TUB: variants seen among roughly 807,000 people sequenced by gnomAD.
The protein encoded by TUB is TUB bipartite transcription factor, also known as tubby protein homolog.
Under a neutral mutation model 59.7 loss-of-function variants are expected in TUB, and 33 were observed. The ratio of observed to expected loss-of-function variants is 0.55; its 90% CI spans 0.42 to 0.74. The LOEUF (loss-of-function observed/expected upper bound fraction) is 0.74. Ranked by LOEUF, TUB falls within the 30% of genes least tolerant of loss-of-function variation. TUB has a pLI of 0.00. For synonymous variants in TUB, 293 were observed against 256.4 expected, an observed-to-expected ratio of 1.14 and a Z score of -1.36; for missense variants, 659 against 672.0, an observed-to-expected ratio of 0.98 and a Z score of 0.21.
At chr11:8,039,326 G>A (rs899937720) in intron 1 of TUB, among the ~76,000 whole-genome samples, 5 of 152,194 alleles carry the variant, frequency 3.3e-5, no homozygotes, top group African/African-American at 7.2e-5. Flanking sequence ...TCCACACTCC[G>A]GCCCTCTGCC....
At position 8,097,411 on chromosome 11, in the gene TUB, G is replaced by A; in HGVS notation, c.871G>A (p.Glu291Lys). ...YPTYFLHLDR[E>K]DGKKVFLLAG... ...CACCTACTTTCTGCACCTGGACCGT[G>A]AGGATGGGAAGAAGGTAAGGTTGGT... is the stretch of plus-strand genomic sequence containing the variant. The change falls in exon 7 of 12, where the codon GAG (glutamate) becomes AAG (lysine). Residue 291 changes from glutamate to lysine, a missense_variant. By Grantham distance (56) the Glu-to-Lys change is moderately conservative. Around this residue, in one of 3 missense-constraint regions of TUB, gnomAD observed 112 missense variants for 156.9 expected, o/e 0.71. Coordinates refer to ENST00000299506, the MANE Select transcript of TUB (RefSeq NM_177972.3). The A allele has an allele frequency of 6.2e-7, 1 of 1,614,228 alleles. No individual in the cohort carries two copies. Among genetic ancestry groups the A allele is most frequent in the East Asian group, 2.2e-5 (1 of 44,886 alleles).
chr11:8,087,623 G>A (rs540021054), intron 1 of TUB, among the ~76,000 whole-genome samples: 5 of 152,252 alleles, frequency 3.3e-5, no homozygotes, highest in African/African-American at 7.2e-5. Flanking sequence ...CATTTTTCAC[G>A]TGTGTCCTGA....
intron 7 of TUB, 109 bp downstream of exon 7, chr11:8,097,534 C>T: frequency 6.8e-7 from 1 of 1,467,820 alleles, no homozygotes. Context: ...CTCAGTTCCT[C>T]AAAGAAACTG....
Position 8,090,366 on chromosome 11 carries a change from C to T in TUB, c.253+135C>T, listed in dbSNP as rs1315754641. On this transcript the variant is annotated intron_variant, in intron 3 of 11. Transcript: ENST00000299506. Reference sequence around the variant, plus strand: ...TATGGCTTCCAGCCCAGGCAGACAGCTGAGTAGGGAGGGCAGAGGGAAGGT... The same window carrying T: ...TATGGCTTCCAGCCCAGGCAGACAGTTGAGTAGGGAGGGCAGAGGGAAGGT... 9 of 1,265,218 alleles carry T rather than the reference C, an allele frequency of 7.1e-6. 1 individual carries two copies. Among genetic ancestry groups the T allele is most frequent in the Middle Eastern group, 4.0e-4 (2 of 4,948 alleles). 78.4% of individuals were successfully genotyped at this position (1,265,218 alleles called of 1,614,324 possible). A position where few individuals can be genotyped will look rare whatever the true frequency, so the allele number is the denominator to read the frequency against.
intron 2 of TUB, among the ~76,000 whole-genome samples, chr11:8,067,121 C>T (rs1010132864): frequency 3.3e-5 from 5 of 152,228 alleles, no homozygotes; most frequent in African/African-American, 9.6e-5. Flanking sequence ...TGAATGGCCT[C>T]ACTCCGTAAG....
chr11:8,066,846 C>T (rs1205533101), intron 2 of TUB, among the ~76,000 whole-genome samples: 1 of 152,210 alleles, frequency 6.6e-6, no homozygotes, highest in South Asian at 2.1e-4. Context: ...CTGCACTTTG[C>T]AAATGACCTC....
rs376070500 is a variant in TUB at position 8,048,973 on chromosome 11, C to T, written c.203+9281C>T. 6.6e-5 allele frequency among the ~76,000 whole-genome samples: 10 copies of T among 152,154 alleles called. No individual in the cohort carries two copies. The East Asian group carries it at 1.3e-3, about 21-fold the overall frequency. ...ATTCTGTCAAAGAGATATGAGAATCCCTATGAATTCCCATGGTACAGCTAA... is the reference window on the plus strand; with the variant it reads ...ATTCTGTCAAAGAGATATGAGAATCTCTATGAATTCCCATGGTACAGCTAA... On this transcript the variant is annotated intron_variant, in intron 2 of 12. Transcript: ENST00000305253.
At position 8,103,083 on chromosome 11, in the gene TUB, C is replaced by T. The variant is rs1364001035; in HGVS notation, c.*1464C>T. ...GATCCAGGATTGGCCTGTGTCTGGC[C>T]CCTCCGCGAGGGCTACTCAGCAGTA... On this transcript the variant is annotated 3_prime_UTR_variant, in exon 12 of 12. Coordinates refer to ENST00000299506, the MANE Select transcript of TUB (RefSeq NM_177972.3). 1 of 152,188 alleles carries T rather than the reference C, an allele frequency of 6.6e-6. No individual in the cohort carries two copies. Among genetic ancestry groups the T allele is most frequent in the African/African-American group, 2.4e-5 (1 of 41,428 alleles). The allele number at this position is 152,188 out of a possible 1,614,324, so 9.4% of individuals were successfully genotyped here. A position where few individuals can be genotyped will look rare whatever the true frequency, so the allele number is the denominator to read the frequency against.
chr11:8,096,844 G>A, intron 6 of TUB, 38 bp downstream of exon 6: 3 of 1,607,982 alleles, frequency 1.9e-6, no homozygotes, highest in Non-Finnish European at 1.7e-6. Flanking sequence ...AGTTTTTGGA[G>A]GACTGCTCAT....
chr11:8,101,855 TGC>T lies in TUB; in HGVS notation c.*237_*238del. On this transcript the variant is annotated 3_prime_UTR_variant, in exon 12 of 12. Transcript: ENST00000299506. ...GAAGGGATGAGAATAATTCTTTCCA[TGC>T]CACGAGATCAACACACACTCCCACC... The T allele has an allele frequency of 2.1e-6, 1 of 475,824 alleles. No homozygotes were observed. The highest frequency in any genetic ancestry group is 3.8e-5 in the East Asian group (1 of 26,564). 29.5% of individuals were successfully genotyped at this position (475,824 alleles called of 1,614,324 possible).
At chr11:8,034,374 G>C (rs557848722), upstream of TUB, among the ~76,000 whole-genome samples, 1 of 152,170 alleles carries the variant, frequency 6.6e-6, no homozygotes, top group African/African-American at 2.4e-5. Context: ...TCTAGGAAGA[G>C]GGTGAGCATT....
intron 1 of TUB, among the ~76,000 whole-genome samples, chr11:8,083,242 C>A (rs1354748091): frequency 2.6e-5 from 4 of 152,002 alleles, no homozygotes; most frequent in African/African-American, 9.7e-5. Context: ...TACCTGTGTG[C>A]GGGGGTCCAG....
At chr11:8,033,949 G>T (rs771461604), upstream of TUB, among the ~76,000 whole-genome samples, 1 of 152,230 alleles carries the variant, frequency 6.6e-6, no homozygotes, top group Admixed American at 6.5e-5. Flanking sequence ...GAAACGCACC[G>T]CAGGGATACA....
At chr11:8,071,727 CAGAG>C (rs761510054) in intron 2 of TUB, among the ~76,000 whole-genome samples, 14 of 152,266 alleles carry the variant, frequency 9.2e-5, no homozygotes, top group Non-Finnish European at 1.5e-4. Context: ...CACAGCATGA[CAGAG>C]AGAGCTGGGG....
At chr11:8,048,540 T>C (rs1302351109) in intron 2 of TUB, among the ~76,000 whole-genome samples, 1 of 152,104 alleles carries the variant, frequency 6.6e-6, no homozygotes, top group Non-Finnish European at 1.5e-5. Context: ...GACCTGGAAC[T>C]GTAGGAATAT....
upstream of TUB, among the ~76,000 whole-genome samples, chr11:8,034,285 C>T (rs7952059): frequency 0.23 from 34,339 of 152,040 alleles, 4,263 homozygotes; most frequent in African/African-American, 0.32. Context: ...GGGGGAAGGA[C>T]AGTGGGAGTG....
intron 5 of TUB, 27 bp downstream of exon 5, chr11:8,095,692 C>A (rs566484955): frequency 1.7e-5 from 26 of 1,562,464 alleles, no homozygotes; most frequent in Non-Finnish European, 1.9e-5. Flanking sequence ...CCCAGTGATA[C>A]CCCCAAAACT....
At chr11:8,098,107 C>T (rs1944083880) in intron 8 of TUB, among the ~76,000 whole-genome samples, 1 of 152,022 alleles carries the variant, frequency 6.6e-6, no homozygotes, top group South Asian at 2.1e-4. Context: ...ACTGATAACG[C>T]AGGCCACCAT....
chr11:8,090,329 G>A (rs1943748665), intron 3 of TUB, 98 bp downstream of exon 3: 1 of 1,478,502 alleles, frequency 6.8e-7, no homozygotes, highest in Non-Finnish European at 9.1e-7. Context: ...GACGGGGGAT[G>A]CCCAGGCTGT....
Sources: gnomAD v4.1 joint callset for allele counts (sites outside exome capture counted in the v4.1 genomes callset) on GRCh38, gnomAD v4.1.1 for gene constraint, gnomAD v4.1.1 regional missense constraint, MANE v1.5 for transcripts, NCBI Gene and HGNC (gene_info 2026-07-23, HGNC 2026-07-21) for gene names.